The following GSAP variants were observed in gnomAD, a reference collection of about 807,000 sequenced individuals.
GSAP encodes the protein gamma-secretase activating protein.
In GSAP, 118 loss-of-function variants were observed where a neutral mutation model predicts 131.7. The observed-to-expected ratio is 0.90, with a 90% confidence interval of 0.77 to 1.04. The LOEUF (loss-of-function observed/expected upper bound fraction) is 1.04. Ranked by LOEUF, GSAP falls within the 50% of genes least tolerant of loss-of-function variation. The pLI is 0.00. For synonymous variants in GSAP, 381 were observed against 363.4 expected (o/e 1.05, Z -0.55); for missense variants, 1,019 against 1,013.2 (o/e 1.01, Z -0.08).
At chr7:77,401,912 G>A (rs1052493765) in intron 3 of GSAP, among the ~76,000 whole-genome samples, 1 of 151,694 alleles carries the variant, frequency 6.6e-6, no homozygotes, top group African/African-American at 2.4e-5. Flanking sequence ...ACTCTTTCTC[G>A]ATTGCAGTGG....
At chr7:77,320,620 T>A in intron 26 of GSAP, 105 bp downstream of exon 26, 1 of 714,688 alleles carries the variant, frequency 1.4e-6, no homozygotes, top group Non-Finnish European at 2.4e-6. Context: ...ACACAATTTC[T>A]CATACACAAG....
At chr7:77,373,565 T>C (rs1167502207) in intron 12 of GSAP, among the ~76,000 whole-genome samples, 1 of 152,220 alleles carries the variant, frequency 6.6e-6, no homozygotes, top group African/African-American at 2.4e-5. Flanking sequence ...CTTTAGGTAT[T>C]TTTCTTTACC....
At chr7:77,353,711 A>T in intron 16 of GSAP, 70 bp from the exon 17 acceptor site, 2 of 883,818 alleles carry the variant, frequency 2.3e-6, no homozygotes, top group Non-Finnish European at 3.7e-6. Flanking sequence ...AAAGAAGTAC[A>T]AATATACATG....
intron 26 of GSAP, chr7:77,314,690 CGGTAA>C: frequency 2.0e-6 from 1 of 509,846 alleles, no homozygotes; most frequent in Non-Finnish European, 3.5e-6. Flanking sequence ...AGTAAGTTTC[CGGTAA>C]GTATACATTC....
intron 6 of GSAP, among the ~76,000 whole-genome samples, chr7:77,384,660 G>A (rs79870672): frequency 0.012 from 1,763 of 152,056 alleles, 33 homozygotes; most frequent in African/African-American, 0.04. Context: ...AAAGGGTCCC[G>A]GATTGGGATC....
At position 77,360,897 on chromosome 7, in the gene GSAP, G is replaced by A; in HGVS notation, c.954C>T (p.His318=). The change falls in exon 14 of 31, where the codon CAC becomes CAT. Residue 318 remains histidine (H), a synonymous_variant. Coordinates refer to ENST00000257626, the MANE Select transcript of GSAP (RefSeq NM_017439.4). ...TYSVFYIHKG[H]SKTFTTSLEN... ...CAAGAGAAGTGGTGAAGGTCTTGCT[G>A]TGTCCTGCAAAGAGAGAATATGAAG... 6.3e-7 allele frequency: 1 copy of A among 1,582,908 alleles called. No individual in the cohort carries two copies. The highest frequency in any genetic ancestry group is 8.7e-7 in the Non-Finnish European group (1 of 1,152,046).
chr7:77,388,697 G>A (rs1006696591), intron 5 of GSAP, among the ~76,000 whole-genome samples: 18 of 152,202 alleles, frequency 1.2e-4, no homozygotes, highest in East Asian at 1.9e-4. Flanking sequence ...GCACAGAAGC[G>A]TGGAATTTAA....
At chr7:77,314,256 A>C in intron 27 of GSAP, 114 bp downstream of exon 27, 3 of 1,014,874 alleles carry the variant, frequency 3.0e-6, no homozygotes, top group Non-Finnish European at 3.0e-6. Context: ...TGAGCAGGGC[A>C]CTCTTCTGAG....
chr7:77,314,978 G>A (rs530098528), intron 26 of GSAP: 4 of 153,180 alleles, frequency 2.6e-5, no homozygotes, highest in Non-Finnish European at 5.8e-5. Context: ...GTATAGAAAA[G>A]AAAGAATTAA....
At chr7:77,394,891 G>A (rs1800111709) in intron 5 of GSAP, among the ~76,000 whole-genome samples, 1 of 152,214 alleles carries the variant, frequency 6.6e-6, no homozygotes, top group South Asian at 2.1e-4. Context: ...CTGAGGCAAG[G>A]CACTGTCTCA....
chr7:77,381,225 A>G, intron 8 of GSAP, 80 bp downstream of exon 8: 1 of 673,386 alleles, frequency 1.5e-6, no homozygotes, highest in East Asian at 2.8e-5. Flanking sequence ...TATCAATAAC[A>G]TTATCTTTAG....
At chr7:77,406,699 A>G (rs1051178331) in intron 1 of GSAP, among the ~76,000 whole-genome samples, 1 of 152,228 alleles carries the variant, frequency 6.6e-6, no homozygotes, top group African/African-American at 2.4e-5. Context: ...CTCCCCATGG[A>G]ATGGTGCCAT....
intron 12 of GSAP, among the ~76,000 whole-genome samples, chr7:77,369,118 G>A (rs947149224): frequency 6.6e-6 from 1 of 152,154 alleles, no homozygotes; most frequent in Non-Finnish European, 1.5e-5. Flanking sequence ...AGAGCAACTC[G>A]TGCAGTTATA....
chr7:77,361,609 G>GT (rs1794529204), intron 13 of GSAP, among the ~76,000 whole-genome samples: 1 of 152,094 alleles, frequency 6.6e-6, no homozygotes, highest in Non-Finnish European at 1.5e-5. Flanking sequence ...AGCAGCTCTG[G>GT]TGTGGCTTGG....
intron 6 of GSAP, among the ~76,000 whole-genome samples, chr7:77,387,011 T>C (rs1019070637): frequency 2.0e-5 from 3 of 152,214 alleles, no homozygotes; most frequent in Non-Finnish European, 4.4e-5. Context: ...ACTCATGAAG[T>C]TGATAAATTC....
At chr7:77,350,982 A>G (rs1792780192) in intron 18 of GSAP, 1 of 322,492 alleles carries the variant, frequency 3.1e-6, no homozygotes, top group Non-Finnish European at 4.5e-6. Context: ...TTTCCTTAAA[A>G]AAAAGTAGAT....
At chr7:77,400,963 C>T (rs551781722) in intron 3 of GSAP, among the ~76,000 whole-genome samples, 6 of 148,178 alleles carry the variant, frequency 4.0e-5, no homozygotes, top group Admixed American at 1.3e-4. Flanking sequence ...TTAACAAAAC[C>T]TCCATGGGTA....
intron 5 of GSAP, among the ~76,000 whole-genome samples, chr7:77,390,051 T>C (rs1435297410): frequency 6.6e-6 from 1 of 152,270 alleles, no homozygotes; most frequent in East Asian, 1.9e-4. Context: ...TGAGCATTTT[T>C]TCATGTGTTT....
intron 1 of GSAP, among the ~76,000 whole-genome samples, chr7:77,410,247 T>C (rs1262030739): frequency 6.6e-6 from 1 of 152,146 alleles, no homozygotes; most frequent in Non-Finnish European, 1.5e-5. Context: ...AAGTACACAG[T>C]TCACATTTCA....
Sources: allele counts gnomAD v4.1 joint callset (sites outside exome capture counted in the v4.1 genomes callset), GRCh38; gene constraint gnomAD v4.1.1; transcripts MANE v1.5; gene names NCBI Gene and HGNC (gene_info 2026-07-23, HGNC 2026-07-21).